Variants in RBFOX1 observed in about 807,000 individuals in gnomAD.
RBFOX1 encodes the protein RNA binding fox-1 homolog 1, also known as RNA binding protein fox-1 homolog 1.
Under a neutral mutation model 57.7 loss-of-function variants are expected in RBFOX1, and 8 were observed. The observed-to-expected ratio is 0.14, with a 90% CI of 0.08 to 0.25. The LOEUF is 0.25. RBFOX1 is among the 10% of genes least tolerant of loss of function. The pLI, the probability that RBFOX1 is intolerant of heterozygous loss-of-function variation, is 1.00. For synonymous variants in RBFOX1, 326 were observed against 222.4 expected, an observed-to-expected ratio of 1.47 and a Z score of -4.15; for missense variants, 611 against 548.5, an observed-to-expected ratio of 1.11 and a Z score of -1.14.
chr16:7,290,238 T>A (rs2095741335), intron 4 of RBFOX1, among the ~76,000 whole-genome samples: 1 of 152,208 alleles, frequency 6.6e-6, no homozygotes, highest in Admixed American at 6.5e-5. Flanking sequence ...TGAGGCTATT[T>A]TGATGAACAC....
chr16:6,896,575 C>T (rs1219286838), intron 3 of RBFOX1, among the ~76,000 whole-genome samples: 1 of 152,158 alleles, frequency 6.6e-6, no homozygotes, highest in Non-Finnish European at 1.5e-5. Context: ...CCAGTTCCAT[C>T]TTTGTCATTG....
rs149228109 is a variant in RBFOX1, at chr16:6,976,197, C to A, written c.-15-75860C>A. Among the ~76,000 whole-genome samples the A allele has an allele frequency of 2.3e-3, 356 of 152,202 alleles. 1 individual carries two copies. Among genetic ancestry groups the A allele is most frequent in the African/African-American group, 8.3e-3 (346 of 41,520 alleles). ...TTTGCTATGATTTCTACAGGAGTTA[C>A]AAGAGTTCTTATATGAGCATTCTAA... On this transcript the variant is annotated intron_variant, in intron 3 of 15. Coordinates refer to ENST00000550418, the MANE Select transcript of RBFOX1 (RefSeq NM_018723.4).
intron 14 of RBFOX1, among the ~76,000 whole-genome samples, chr16:7,705,887 T>TGGGCACATGGAGATCATCA (rs1035629795): frequency 6.6e-6 from 1 of 152,152 alleles, no homozygotes; most frequent in Non-Finnish European, 1.5e-5. Flanking sequence ...GGATGGGAAG[T>TGGGCACATGGAGATCATCA]GGGCACATGG....
At chr16:6,684,004 G>A (rs1428707968) in intron 3 of RBFOX1, among the ~76,000 whole-genome samples, 1 of 152,166 alleles carries the variant, frequency 6.6e-6, no homozygotes, top group Non-Finnish European at 1.5e-5. Flanking sequence ...ACAAGGTGGG[G>A]AAGATAGTGA....
intron 13 of RBFOX1, among the ~76,000 whole-genome samples, chr16:7,673,190 G>A (rs567692097): frequency 5.9e-5 from 9 of 152,092 alleles, no homozygotes; most frequent in South Asian, 4.2e-4. Flanking sequence ...CTGTTTGGCC[G>A]GTAGAACATT....
At chr16:6,000,117 A>T (rs1352509978) in intron 4 of RBFOX1, among the ~76,000 whole-genome samples, 9 of 151,994 alleles carry the variant, frequency 5.9e-5, no homozygotes, top group Non-Finnish European at 1.3e-4. Context: ...TCCTCCTATT[A>T]TCTCATAGGA....
intron 3 of RBFOX1, among the ~76,000 whole-genome samples, chr16:6,953,826 A>G (rs1375645761): frequency 2.0e-5 from 3 of 152,232 alleles, no homozygotes; most frequent in African/African-American, 7.2e-5. Context: ...ACCGAGAAAA[A>G]TAACTCTTGG....
At chr16:7,351,119 G>C (rs1177903272) in intron 4 of RBFOX1, among the ~76,000 whole-genome samples, 1 of 152,172 alleles carries the variant, frequency 6.6e-6, no homozygotes, top group Non-Finnish European at 1.5e-5. Flanking sequence ...CCTTGGGACT[G>C]GATCTCTCAC....
At chr16:6,615,590 G>A (rs868799927) in intron 2 of RBFOX1, among the ~76,000 whole-genome samples, 1 of 151,488 alleles carries the variant, frequency 6.6e-6, no homozygotes, top group Admixed American at 6.6e-5. Flanking sequence ...AAAATCCTCT[G>A]TCCCAATAAA....
chr16:6,804,724 C>G (rs1418320068), intron 3 of RBFOX1, among the ~76,000 whole-genome samples: 1 of 152,132 alleles, frequency 6.6e-6, no homozygotes, highest in African/African-American at 2.4e-5. Context: ...GAACAGGGTA[C>G]TGTTTACTTC....
chr16:5,513,817 G>A (rs555014165), intron 2 of RBFOX1, among the ~76,000 whole-genome samples: 2 of 152,220 alleles, frequency 1.3e-5, no homozygotes, highest in South Asian at 4.2e-4. Context: ...AGGAATAAAT[G>A]TGATCATCAG....
intron 2 of RBFOX1, among the ~76,000 whole-genome samples, chr16:6,552,097 C>T (rs995289266): frequency 6.6e-6 from 1 of 152,134 alleles, no homozygotes; most frequent in African/African-American, 2.4e-5. Context: ...CACTTCATGA[C>T]CTACTGCTTC....
chr16:7,069,281 C>A (rs1240360664), intron 4 of RBFOX1, among the ~76,000 whole-genome samples: 1 of 152,154 alleles, frequency 6.6e-6, no homozygotes, highest in African/African-American at 2.4e-5. Context: ...TGTTTTGCTG[C>A]ACCTGTCATC....
At chr16:6,227,575 C>T (rs747211590) in intron 1 of RBFOX1, among the ~76,000 whole-genome samples, 4 of 151,826 alleles carry the variant, frequency 2.6e-5, no homozygotes, top group South Asian at 2.1e-4. Context: ...TCCAGCCACA[C>T]GCCCTTCTCC....
At position 6,966,180 on chromosome 16, in the gene RBFOX1, C is replaced by G. The variant is rs758459530; in HGVS notation, c.-15-85877C>G. ...CATTTACGCTCTTGCCAGAGGCTTC[C>G]TATCTCTCTGAGCCAGCTGCCTTCC... On this transcript the variant is annotated intron_variant, in intron 3 of 15. Coordinates refer to ENST00000550418, the MANE Select transcript of RBFOX1 (RefSeq NM_018723.4). Among the ~76,000 whole-genome samples, 8 of 152,220 alleles carry G rather than the reference C, an allele frequency of 5.3e-5. 1 individual carries two copies. Among genetic ancestry groups the G allele is most frequent in the South Asian group, 2.1e-4 (1 of 4,832 alleles).
At chr16:6,498,836 A>T (rs1041928918) in intron 2 of RBFOX1, among the ~76,000 whole-genome samples, 1 of 152,182 alleles carries the variant, frequency 6.6e-6, no homozygotes, top group African/African-American at 2.4e-5. Context: ...TGAAGCCAAG[A>T]TATGCATGGT....
At chr16:5,496,156 C>T (rs1597299173) in intron 2 of RBFOX1, among the ~76,000 whole-genome samples, 1 of 152,042 alleles carries the variant, frequency 6.6e-6, no homozygotes, top group Non-Finnish European at 1.5e-5. Context: ...GAAAGAAACC[C>T]ATTACAATGG....
intron 4 of RBFOX1, among the ~76,000 whole-genome samples, chr16:5,884,976 G>A (rs2057861494): frequency 6.6e-6 from 1 of 152,170 alleles, no homozygotes; most frequent in African/African-American, 2.4e-5. Context: ...TTGGCCCAGA[G>A]GTAGGGGAAC....
At chr16:5,725,166 C>A (rs7191707) in intron 3 of RBFOX1, among the ~76,000 whole-genome samples, 1 of 152,108 alleles carries the variant, frequency 6.6e-6, no homozygotes, top group Non-Finnish European at 1.5e-5. Flanking sequence ...GGAGGCTAGG[C>A]TGTTGGTTAA....
Sources: allele counts gnomAD v4.1 joint callset (sites outside exome capture counted in the v4.1 genomes callset), GRCh38; gene constraint gnomAD v4.1.1; transcripts MANE v1.5; gene names NCBI Gene and HGNC (gene_info 2026-07-23, HGNC 2026-07-21).